DAB2IP: variants seen among roughly 807,000 people sequenced by gnomAD.
DAB2IP encodes disabled homolog 2-interacting protein.
A neutral mutation model predicts 107.2 loss-of-function variants in DAB2IP; 28 were observed. The ratio of observed to expected loss-of-function variants is 0.26; its 90% CI spans 0.19 to 0.36. The LOEUF is 0.36. Among genes scored for constraint, DAB2IP ranks in the 10% least tolerant of loss-of-function variants. The probability of loss-of-function intolerance (pLI) is 1.00; values close to 1 mark genes in which losing one functional copy is unlikely to be tolerated. For missense variants in DAB2IP, 1,400 were observed against 1,644.7 expected (o/e 0.85, Z 2.57); for synonymous variants, 755 against 706.4 (o/e 1.07, Z -1.09).
intron 2 of DAB2IP, among the ~76,000 whole-genome samples, chr9:121,683,157 G>A (rs1828681287): frequency 6.6e-6 from 1 of 152,158 alleles, no homozygotes; most frequent in African/African-American, 2.4e-5. Context: ...GACTGGGTCT[G>A]GGGGCTTTGC....
In DAB2IP at chr9:121,619,273, A is replaced by G. The variant is rs1458819911; in HGVS notation, c.40+52045A>G. On this transcript the variant is annotated intron_variant, in intron 1 of 16. Transcript: ENST00000259371. ...GCAATTCTCATGCCTCAGCCTCCTG[A>G]GTAGCTGGGACTGCAGGTACGCGCC... Among the ~76,000 whole-genome samples the G allele has an allele frequency of 7.2e-5, 11 of 152,234 alleles. No individual in the cohort carries two copies. In the South Asian group the frequency reaches 2.3e-3, roughly 32 times the overall value.
chr9:121,705,608 C>G (rs933673789), intron 3 of DAB2IP, among the ~76,000 whole-genome samples: 1 of 152,232 alleles, frequency 6.6e-6, no homozygotes, highest in Non-Finnish European at 1.5e-5. Flanking sequence ...CACGTGCATA[C>G]TTGTGTGCAT....
chr9:121,641,899 T>TTCTCTTTCTTTC (rs148040068), intron 1 of DAB2IP, among the ~76,000 whole-genome samples: 1 of 113,778 alleles, frequency 8.8e-6, no homozygotes, highest in East Asian at 2.6e-4. Context: ...TTCCCTTTCT[T>TTCTCTTTCTTTC]TCTTTCTTTC....
chr9:121,659,949 T>C (rs1833133756), intron 1 of DAB2IP, among the ~76,000 whole-genome samples: 1 of 152,006 alleles, frequency 6.6e-6, no homozygotes, highest in Admixed American at 6.6e-5. Context: ...CCACCTAGTA[T>C]GTGTGACCTG....
chr9:121,727,365 C>T (rs186268202), intron 3 of DAB2IP, among the ~76,000 whole-genome samples: 146 of 152,350 alleles, frequency 9.6e-4, no homozygotes, highest in African/African-American at 3.3e-3. Context: ...TAACCATTTC[C>T]TAAGATACTT....
At chr9:121,655,595 G>C (rs1832937577) in intron 1 of DAB2IP, among the ~76,000 whole-genome samples, 2 of 152,174 alleles carry the variant, frequency 1.3e-5, no homozygotes, top group Non-Finnish European at 2.9e-5. Context: ...TGGTTAGTGG[G>C]AGGCAGGGGC....
At chr9:121,580,414 C>G (rs1030953468) in intron 1 of DAB2IP, among the ~76,000 whole-genome samples, 1 of 152,118 alleles carries the variant, frequency 6.6e-6, no homozygotes, top group Non-Finnish European at 1.5e-5. Context: ...TACAGTGGCT[C>G]GTGCCTGCTA....
chr9:121,771,552 C>T (rs942651561), intron 11 of DAB2IP, among the ~76,000 whole-genome samples: 9 of 152,050 alleles, frequency 5.9e-5, no homozygotes, highest in Non-Finnish European at 1.0e-4. Flanking sequence ...TGGGTCTGTT[C>T]AGTGAGTGTG....
In DAB2IP at chr9:121,599,570, G is replaced by T. The variant is rs1258806031; in HGVS notation, c.40+32342G>T. ...GCGGCGCCGGGGGAGGCGCGGAGCC[G>T]GCCGTAGCGCGCTCCTGCCTGGCCA... On this transcript the variant is annotated intron_variant, in intron 1 of 16. Transcript: ENST00000259371. The surrounding 1 kb of genome is among the most constrained non-coding windows in gnomAD (Gnocchi z 6.9). Among the ~76,000 whole-genome samples the T allele has an allele frequency of 6.6e-6, 1 of 151,916 alleles. No homozygotes were observed. The highest frequency in any genetic ancestry group is 2.4e-5 in the African/African-American group (1 of 41,412).
At position 121,702,327 on chromosome 9, in the gene DAB2IP, G is replaced by C. The variant is rs1829830895; in HGVS notation, c.362+2869G>C. ...TGGGGATGCCGAACCTGGCTGGTTGGGATTGAGGGTTGCTATCTGGTTGTG... is the reference window on the plus strand; with the variant it reads ...TGGGGATGCCGAACCTGGCTGGTTGCGATTGAGGGTTGCTATCTGGTTGTG... On this transcript the variant is annotated intron_variant, in intron 3 of 15. Coordinates refer to ENST00000408936, the Ensembl canonical transcript of DAB2IP. This position sits in a 1 kb window ranked among gnomAD's most constrained non-coding sequence, Gnocchi z 4.5. 6.6e-6 allele frequency among the ~76,000 whole-genome samples: 1 copy of C among 152,170 alleles called. No individual in the cohort carries two copies. The highest frequency in any genetic ancestry group is 1.5e-5 in the Non-Finnish European group (1 of 68,030).
chr9:121,721,508 C>T (rs1830931360), intron 3 of DAB2IP, among the ~76,000 whole-genome samples: 1 of 152,236 alleles, frequency 6.6e-6, no homozygotes, highest in Admixed American at 6.5e-5. Context: ...ACTGTAGTGG[C>T]ATCTGTGTCC....
chr9:121,595,240 T>TAA (rs879595956), intron 1 of DAB2IP, among the ~76,000 whole-genome samples: 1 of 145,138 alleles, frequency 6.9e-6, no homozygotes, highest in African/African-American at 2.5e-5. Flanking sequence ...CTCTGCACCT[T>TAA]AAAAAAAAAA....
chr9:121,609,795 G>A (rs1016879724), intron 1 of DAB2IP, among the ~76,000 whole-genome samples: 1 of 152,218 alleles, frequency 6.6e-6, no homozygotes, highest in Non-Finnish European at 1.5e-5. Flanking sequence ...CTTGGTCCTT[G>A]GCTGCAACAT....
chr9:121,733,598 C>T (rs759369881), intron 3 of DAB2IP, among the ~76,000 whole-genome samples: 4 of 152,176 alleles, frequency 2.6e-5, no homozygotes, highest in Non-Finnish European at 5.9e-5. Flanking sequence ...GATGAACAGA[C>T]CCCAAGGAAG....
chr9:121,784,898 C>T (rs901025827), exon 16 of DAB2IP: 3 of 152,526 alleles, frequency 2.0e-5, no homozygotes, highest in African/African-American at 7.2e-5. Context: ...CCACAGAGAA[C>T]CTGAGTTCCC....
rs999864272 is a variant in DAB2IP, at chr9:121,701,063, G to T, written c.362+1605G>T. Among the ~76,000 whole-genome samples the T allele has an allele frequency of 6.6e-6, 1 of 152,236 alleles. No individual in the cohort carries two copies. Among genetic ancestry groups the T allele is most frequent in the Non-Finnish European group, 1.5e-5 (1 of 68,042 alleles). On this transcript the variant is annotated intron_variant, in intron 3 of 15. Coordinates refer to ENST00000408936, the Ensembl canonical transcript of DAB2IP. The surrounding 1 kb of genome is among the most constrained non-coding windows in gnomAD (Gnocchi z 4.7). ...TCCCCAGGAACATGCCCTTCTCCGCGCTTTCCTTGGCGGGGGTCAGGACCC... is the reference window on the plus strand; with the variant it reads ...TCCCCAGGAACATGCCCTTCTCCGCTCTTTCCTTGGCGGGGGTCAGGACCC...
At chr9:121,738,746 C>G (rs1329316909) in intron 3 of DAB2IP, among the ~76,000 whole-genome samples, 1 of 152,214 alleles carries the variant, frequency 6.6e-6, no homozygotes, top group Non-Finnish European at 1.5e-5. Flanking sequence ...TTTCTTGTGT[C>G]TCTCAGGGTT....
intron 3 of DAB2IP, among the ~76,000 whole-genome samples, chr9:121,746,475 G>A (rs955750271): frequency 1.3e-5 from 2 of 152,140 alleles, no homozygotes; most frequent in Admixed American, 6.5e-5. Context: ...GGGGCTCTGC[G>A]GACAAATGGC....
At chr9:121,594,807 A>C (rs768108278) in intron 1 of DAB2IP, among the ~76,000 whole-genome samples, 1 of 152,204 alleles carries the variant, frequency 6.6e-6, no homozygotes. Context: ...AATATGATAA[A>C]TATAGATGGT....
Sources: allele counts gnomAD v4.1 joint callset (sites outside exome capture counted in the v4.1 genomes callset), GRCh38; gene constraint gnomAD v4.1.1; non-coding constraint Gnocchi (gnomAD v3.1); transcripts MANE v1.5; gene names NCBI Gene and HGNC (gene_info 2026-07-23, HGNC 2026-07-21).